NRXN1: variants seen among roughly 807,000 people sequenced by gnomAD.
NRXN1 encodes neurexin-1.
Under a neutral mutation model 150.9 loss-of-function variants are expected in NRXN1, and 39 were observed. That is an observed-to-expected ratio of 0.26 (90% CI 0.20 to 0.34). The LOEUF (loss-of-function observed/expected upper bound fraction) is 0.34. NRXN1 is among the 10% of genes least tolerant of loss of function. The pLI, the probability that NRXN1 is intolerant of heterozygous loss-of-function variation, is 1.00. For synonymous variants in NRXN1, 924 were observed against 757.0 expected, an observed-to-expected ratio of 1.22 and a Z score of -3.62; for missense variants, 1,815 against 1,949.9, an observed-to-expected ratio of 0.93 and a Z score of 1.30.
intron 18 of NRXN1, among the ~76,000 whole-genome samples, chr2:50,210,183 G>A (rs1273472017): frequency 3.3e-5 from 5 of 151,832 alleles, no homozygotes; most frequent in African/African-American, 1.2e-4. Context: ...GCCTTGTTTT[G>A]TTTTCTCCTT....
intron 21 of NRXN1, among the ~76,000 whole-genome samples, chr2:50,043,523 T>C (rs1691335736): frequency 6.6e-6 from 1 of 152,184 alleles, no homozygotes; most frequent in South Asian, 2.1e-4. Context: ...AGAACTTCCC[T>C]TCAAGGACAA....
At chr2:50,748,678 C>T (rs554102339) in intron 5 of NRXN1, among the ~76,000 whole-genome samples, 141 of 152,090 alleles carry the variant, frequency 9.3e-4, no homozygotes, top group Middle Eastern at 3.4e-3. Flanking sequence ...GCTTTTCACC[C>T]GGAATCGGCT....
chr2:50,163,699 T>C (rs1350962171), intron 18 of NRXN1, among the ~76,000 whole-genome samples: 3 of 152,208 alleles, frequency 2.0e-5, no homozygotes, highest in African/African-American at 7.2e-5. Flanking sequence ...TTATTCTGAA[T>C]GTTTAAAAGT....
intron 18 of NRXN1, among the ~76,000 whole-genome samples, chr2:50,178,855 A>T (rs545527404): frequency 6.6e-6 from 1 of 152,304 alleles, no homozygotes; most frequent in South Asian, 2.1e-4. Context: ...CACAAGTAAC[A>T]GCAGTAGTTG....
At chr2:50,357,122 T>A (rs1334426754) in intron 17 of NRXN1, among the ~76,000 whole-genome samples, 1 of 151,714 alleles carries the variant, frequency 6.6e-6, no homozygotes, top group African/African-American at 2.4e-5. Context: ...ACAAAAAATT[T>A]AAAAAAATTT....
intron 2 of NRXN1, among the ~76,000 whole-genome samples, chr2:50,947,272 T>C (rs370708019): frequency 2.6e-5 from 4 of 152,192 alleles, no homozygotes; most frequent in African/African-American, 9.6e-5. Flanking sequence ...CCCTGACATG[T>C]ACTACGCATT....
chr2:50,699,515 C>A (rs1034059127), intron 5 of NRXN1, among the ~76,000 whole-genome samples: 1 of 152,030 alleles, frequency 6.6e-6, no homozygotes, highest in East Asian at 2.0e-4. Flanking sequence ...AGGGACTTCA[C>A]TTCCCACTGC....
chr2:50,901,694 G>C (rs572487730), intron 5 of NRXN1, among the ~76,000 whole-genome samples: 2 of 152,064 alleles, frequency 1.3e-5, no homozygotes, highest in Non-Finnish European at 2.9e-5. Flanking sequence ...ACAATAGTTC[G>C]ATATCACGTG....
chr2:50,482,190 T>C (rs1443264253), intron 15 of NRXN1, among the ~76,000 whole-genome samples: 3 of 152,182 alleles, frequency 2.0e-5, no homozygotes, highest in Non-Finnish European at 4.4e-5. Flanking sequence ...CAACAGACTG[T>C]GAGGAAACCT....
In NRXN1 at chr2:50,538,869, T is replaced by A. The variant is rs6545179; in HGVS notation, c.1760-233A>T. On this transcript the variant is annotated intron_variant, in intron 9 of 22. Transcript: ENST00000401669. ...CCATTTGAACTCGAGAATGGAAACC[T>A]AAGTGTACAGCCAACAAATAGTGTT... Among the ~76,000 whole-genome samples, 104,078 of 151,812 alleles carry A rather than the reference T, an allele frequency of 0.69. 36,622 individuals are homozygous for A. Among genetic ancestry groups the A allele is most frequent in the East Asian group, 0.91 (4,700 of 5,152 alleles).
chr2:50,245,494 C>G (rs547460974), intron 17 of NRXN1, among the ~76,000 whole-genome samples: 1 of 151,940 alleles, frequency 6.6e-6, no homozygotes, highest in East Asian at 1.9e-4. Context: ...TGTATTAAAG[C>G]TATAGGCAGC....
intron 17 of NRXN1, among the ~76,000 whole-genome samples, chr2:50,351,205 G>A (rs559693587): frequency 2.6e-4 from 39 of 152,160 alleles, no homozygotes; most frequent in Non-Finnish European, 1.5e-5. Flanking sequence ...ACTGGTTGGA[G>A]GAAACATGGT....
chr2:50,994,831 G>A (rs1473546898), intron 2 of NRXN1, among the ~76,000 whole-genome samples: 1 of 151,912 alleles, frequency 6.6e-6, no homozygotes, highest in Non-Finnish European at 1.5e-5. Flanking sequence ...GGTACAGCAA[G>A]CACAGGATAC....
At chr2:50,063,172 ATTG>A (rs1427576215) in intron 19 of NRXN1, among the ~76,000 whole-genome samples, 6 of 152,188 alleles carry the variant, frequency 3.9e-5, no homozygotes, top group Non-Finnish European at 8.8e-5. Flanking sequence ...TGCAATGTGT[ATTG>A]TTGTCATATA....
chr2:50,815,526 T>C lies in NRXN1; in HGVS notation c.832+106343A>G, dbSNP rs552828803. Among the ~76,000 whole-genome samples, 59 of 152,302 alleles carry C rather than the reference T, an allele frequency of 3.9e-4. No homozygotes were observed. The South Asian group carries it at 0.012, about 31-fold the overall frequency. ...TTTAAGAACCCATGGTATTTTTTTATTTCTATTTCTATTTCAAATATTAAA... is the reference window on the plus strand; with the variant it reads ...TTTAAGAACCCATGGTATTTTTTTACTTCTATTTCTATTTCAAATATTAAA... On this transcript the variant is annotated intron_variant, in intron 5 of 22. Transcript: ENST00000401669.
In NRXN1 at chr2:50,894,347, T is replaced by C. The variant is rs1681585735; in HGVS notation, c.832+27522A>G. ...ATAAAACCAAAAAAAAAAACCTGAC[T>C]CATTCTCAGAATAAAATTAATACAA... is the stretch of plus-strand genomic sequence containing the variant. On this transcript the variant is annotated intron_variant, in intron 5 of 22. Coordinates refer to ENST00000401669, the MANE Select transcript of NRXN1 (RefSeq NM_001330078.2). Among the ~76,000 whole-genome samples, 5 of 150,006 alleles carry C rather than the reference T, an allele frequency of 3.3e-5. 1 individual carries two copies. The South Asian group carries it at 1.0e-3, about 31-fold the overall frequency.
intron 17 of NRXN1, among the ~76,000 whole-genome samples, chr2:50,269,482 A>G (rs1332813247): frequency 6.6e-6 from 1 of 152,232 alleles, no homozygotes; most frequent in Non-Finnish European, 1.5e-5. Flanking sequence ...CAAGGCATGC[A>G]CCAAAATAAT....
chr2:50,370,134 G>A (rs753792758), intron 17 of NRXN1, among the ~76,000 whole-genome samples: 7 of 151,912 alleles, frequency 4.6e-5, no homozygotes, highest in Admixed American at 2.0e-4. Context: ...TAGTTCCCAT[G>A]TATTGTTATT....
chr2:50,255,071 G>C (rs1024502789), intron 17 of NRXN1, among the ~76,000 whole-genome samples: 1 of 152,098 alleles, frequency 6.6e-6, no homozygotes, highest in African/African-American at 2.4e-5. Context: ...GCCTACGAAA[G>C]TGCTGGTATT....
Sources: gnomAD v4.1 joint callset for allele counts (sites outside exome capture counted in the v4.1 genomes callset) on GRCh38, gnomAD v4.1.1 for gene constraint, MANE v1.5 for transcripts, NCBI Gene and HGNC (gene_info 2026-07-23, HGNC 2026-07-21) for gene names.